Variants in CYP11A1 observed in about 807,000 individuals in gnomAD.
The protein encoded by CYP11A1 is cholesterol side-chain cleavage enzyme, mitochondrial.
In CYP11A1, 25 loss-of-function variants were observed where a neutral mutation model predicts 51.9. The observed-to-expected ratio is 0.48, with a 90% CI of 0.35 to 0.67. The LOEUF is 0.67. Ranked by LOEUF, CYP11A1 falls within the 30% of genes least tolerant of loss-of-function variation. CYP11A1 has a pLI of 0.00. For missense variants in CYP11A1, 578 were observed against 680.9 expected (o/e 0.85, Z 1.68); for synonymous variants, 245 against 262.1 (o/e 0.93, Z 0.63).
chr15:74,349,521 G>A (rs2060646401), intron 1 of CYP11A1, among the ~76,000 whole-genome samples: 1 of 152,078 alleles, frequency 6.6e-6, no homozygotes, highest in Non-Finnish European at 1.5e-5. Flanking sequence ...TGTTTTTCCA[G>A]CTACCATGTG....
chr15:74,345,081 C>T lies in CYP11A1; in HGVS notation c.588G>A (p.Gly196=), dbSNP rs1008502067. Residue 196 remains glycine, a synonymous_variant, in exon 3 of 9, where the codon GGG becomes GGA. Coordinates refer to ENST00000268053, the MANE Select transcript of CYP11A1 (RefSeq NM_000781.3). The surrounding 1 kb of genome is among the most constrained non-coding windows in gnomAD (Gnocchi z 4.3). ...IKKAGSGNYS[G]DISDDLFRFA... is the part of the protein sequence containing the mutation. ...AGCGGAACAGGTCATCACTGATGTC[C>T]CCCGAGTAATTTCCGGAGCCCGCCT... 6.2e-7 allele frequency: 1 copy of T among 1,614,036 alleles called. No individual in the cohort carries two copies. The highest frequency in any genetic ancestry group is 8.5e-7 in the Non-Finnish European group (1 of 1,179,920).
At chr15:74,366,766 A>T in intron 1 of CYP11A1, 1 of 155,754 alleles carries the variant, frequency 6.4e-6, no homozygotes, top group Non-Finnish European at 1.4e-5. Context: ...CCCAGGCTGG[A>T]TTGCAATGGT....
intron 3 of CYP11A1, 91 bp from the exon 4 acceptor site, chr15:74,344,083 C>T: frequency 2.9e-6 from 3 of 1,046,760 alleles, no homozygotes; most frequent in Non-Finnish European, 4.4e-6. Flanking sequence ...TCACCTCCCT[C>T]AGCACAAAGG....
chr15:74,342,983 C>T lies in CYP11A1; in HGVS notation c.984G>A (p.Val328=), dbSNP rs1352425391. Residue 328 remains valine (V), a synonymous_variant, in exon 5 of 9, where the codon GTG becomes GTA. Transcript: ENST00000268053. ...ANVTEMLAGG[V]DTTSMTLQWH... ...GCCCCTACAGCCACCTCACCGTGTC[C>T]ACCCCTCCTGCCAGCATCTCTGTGA... 4.5e-5 allele frequency: 72 copies of T among 1,612,208 alleles called. No homozygotes were observed. The Admixed American group carries it at 1.2e-3, about 27-fold the overall frequency.
chr15:74,367,388 C>T lies in CYP11A1; in HGVS notation c.198G>A (p.Trp66Ter). 6.2e-7 allele frequency: 1 copy of T among 1,614,208 alleles called. No homozygotes were observed. Among genetic ancestry groups the T allele is most frequent in the South Asian group, 1.1e-5 (1 of 91,080 alleles). Residue 66 changes from tryptophan (W) to a stop codon, truncating the protein, a stop_gained, in exon 1 of 9, where the codon TGG (tryptophan) becomes TGA (stop). Transcript: ENST00000268053. LOFTEE classifies it high-confidence loss of function. The stretch of plus-strand genomic sequence containing the variant: ...GGACTTTGTGTGTGCCCGTCTCCCT[C>T]CAGAAATGGTACAGGTTTAGCCAGC... ...DNGWLNLYHF[W>*]RETGTHKVHL...
intron 8 of CYP11A1, 57 bp downstream of exon 8, chr15:74,338,513 TG>T: frequency 6.5e-7 from 1 of 1,543,614 alleles, no homozygotes; most frequent in Non-Finnish European, 9.0e-7. Context: ...GGAAGATTGG[TG>T]CCTTCATTAG....
At chr15:74,347,075 G>T (rs2060636105) in intron 2 of CYP11A1, among the ~76,000 whole-genome samples, 1 of 151,896 alleles carries the variant, frequency 6.6e-6, no homozygotes, top group South Asian at 2.1e-4. Context: ...CAAAGTGCTG[G>T]GATTACAGGC....
intron 1 of CYP11A1, chr15:74,361,590 G>A (rs1352650065): frequency 8.9e-6 from 9 of 1,014,212 alleles, no homozygotes; most frequent in South Asian, 1.3e-5. Context: ...TCGCAGTCAC[G>A]GCGAGCCCTT....
intron 7 of CYP11A1, 129 bp from the exon 8 acceptor site, chr15:74,338,897 A>G (rs1266270049): frequency 1.6e-5 from 14 of 857,252 alleles, no homozygotes; most frequent in Non-Finnish European, 2.5e-5. Context: ...CCAGCTCTCC[A>G]GGGCAGGACA....
At position 74,344,943 on chromosome 15, in the gene CYP11A1, C is replaced by T. The variant is rs774045073; in HGVS notation, c.625+101G>A. 34 of 1,131,050 alleles carry T rather than the reference C, an allele frequency of 3.0e-5. No homozygotes were observed. In the Admixed American group the frequency reaches 6.5e-4, roughly 22 times the overall value. 70.1% of individuals were successfully genotyped at this position (1,131,050 alleles called of 1,614,324 possible). A position where few individuals can be genotyped will look rare whatever the true frequency, so the allele number is the denominator to read the frequency against. On this transcript the variant is annotated intron_variant, in intron 3 of 8. Coordinates refer to ENST00000268053, the MANE Select transcript of CYP11A1 (RefSeq NM_000781.3). ...AGCGGCTCATCCCAGAAGTCAGTCT[C>T]AATGCCTCTGCAGGGTCTGTACTGA...
In CYP11A1 at chr15:74,342,994, C is replaced by T. The variant is rs2141233623; in HGVS notation, c.973G>A (p.Ala325Thr). 6.2e-7 allele frequency: 1 copy of T among 1,612,480 alleles called. No individual in the cohort carries two copies. Among genetic ancestry groups the T allele is most frequent in the East Asian group, 2.2e-5 (1 of 44,876 alleles). ...DIKANVTEML[A>T]GGVDTTSMTL... is the part of the protein sequence containing the mutation. The stretch of plus-strand genomic sequence containing the variant: ...CACCTCACCGTGTCCACCCCTCCTG[C>T]CAGCATCTCTGTGACGTTGGCCTTG... The change falls in exon 5 of 9, where the codon GCA (alanine) becomes ACA (threonine). Residue 325 changes from alanine to threonine, a missense_variant. Coordinates refer to ENST00000268053, the MANE Select transcript of CYP11A1 (RefSeq NM_000781.3).
chr15:74,343,719 AG>A, intron 4 of CYP11A1, 69 bp downstream of exon 4: 1 of 1,364,756 alleles, frequency 7.3e-7, no homozygotes, highest in Admixed American at 1.7e-5. Flanking sequence ...CCATTGACAT[AG>A]CGTGGGACAA....
At chr15:74,354,295 C>T (rs1454850529) in intron 1 of CYP11A1, among the ~76,000 whole-genome samples, 1 of 152,174 alleles carries the variant, frequency 6.6e-6, no homozygotes, top group African/African-American at 2.4e-5. Context: ...AATTCCTTCT[C>T]CTGGCTCTTC....
intron 1 of CYP11A1, among the ~76,000 whole-genome samples, chr15:74,352,608 C>T (rs181873452): frequency 5.9e-5 from 9 of 152,214 alleles, no homozygotes; most frequent in African/African-American, 2.2e-4. Context: ...CTGCTTGGGG[C>T]GAGCCTGCCT....
chr15:74,361,409 AAAC>A lies in CYP11A1; in HGVS notation c.269+5905_269+5907del, dbSNP rs372437215. The A allele has an allele frequency of 7.3e-3, 2,254 of 309,244 alleles. 25 individuals are homozygous for A. Among genetic ancestry groups the A allele is most frequent in the South Asian group, 0.027 (732 of 26,724 alleles). The allele number at this position is 309,244 out of a possible 1,614,324, so 19.2% of individuals were successfully genotyped here. ...TTGTATAAAGCTACTAACCCACGTA[AAAC>A]AACAACAACAAAAAATTAATTACAT... On this transcript the variant is annotated intron_variant, in intron 1 of 8. Transcript: ENST00000268053.
chr15:74,361,129 T>C (rs1444965954), intron 1 of CYP11A1, among the ~76,000 whole-genome samples: 1 of 152,158 alleles, frequency 6.6e-6, no homozygotes, highest in African/African-American at 2.4e-5. Flanking sequence ...AAATTGTCTT[T>C]CCTAATGCCT....
rs6161 is a variant in CYP11A1 at position 74,343,027 on chromosome 15, C to T, written c.940G>A (p.Glu314Lys). Residue 314 changes from glutamate (E) to lysine (K), a missense_variant, in exon 5 of 9, where the codon GAG becomes AAG. Transcript: ENST00000268053. The stretch of plus-strand genomic sequence containing the variant: ...TCTGTGACGTTGGCCTTGATGTCCT[C>T]GAAGGACATCTTGCTGTCTCCCAGG... ...RLLGDSKMSF[E>K]DIKANVTEML... is the part of the protein sequence containing the mutation. The T allele has an allele frequency of 3.9e-3, 6,284 of 1,613,102 alleles. 18 individuals are homozygous for T. Among genetic ancestry groups the T allele is most frequent in the Non-Finnish European group, 4.8e-3 (5,662 of 1,179,996 alleles).
chr15:74,339,382 C>A (rs1567051227), intron 6 of CYP11A1, 67 bp from the exon 7 acceptor site: 1 of 1,507,038 alleles, frequency 6.6e-7, no homozygotes. Flanking sequence ...GAGCCCCACA[C>A]CCTGTGTGGC....
At chr15:74,353,666 G>C (rs979009448) in intron 1 of CYP11A1, among the ~76,000 whole-genome samples, 3 of 152,120 alleles carry the variant, frequency 2.0e-5, no homozygotes, top group African/African-American at 7.2e-5. Flanking sequence ...GTAGCCTCCA[G>C]GGTAAATTGA....
Sources: gnomAD v4.1 joint callset for allele counts (sites outside exome capture counted in the v4.1 genomes callset) on GRCh38, gnomAD v4.1.1 for gene constraint, Gnocchi (gnomAD v3.1) non-coding constraint, MANE v1.5 for transcripts, NCBI Gene and HGNC (gene_info 2026-07-23, HGNC 2026-07-21) for gene names.